TUSC3: variants seen among roughly 807,000 people sequenced by gnomAD.
The protein encoded by TUSC3 is tumor suppressor candidate 3.
In TUSC3, 45 loss-of-function variants were observed where a neutral mutation model predicts 44.8. The ratio of observed to expected loss-of-function variants is 1.00; its 90% CI spans 0.79 to 1.29. TUSC3 has a LOEUF of 1.29. Ranked by LOEUF, TUSC3 falls within the 50% of genes most tolerant of loss-of-function variation. The pLI, the probability that TUSC3 is intolerant of heterozygous loss-of-function variation, is 0.00. For missense variants in TUSC3, 519 were observed against 437.9 expected (o/e 1.19, Z -1.65); for synonymous variants, 212 against 152.9 (o/e 1.39, Z -2.85).
rs147941065 is a variant in TUSC3 at position 15,766,545 on chromosome 8, C to A, written c.*2389C>A. The A allele has an allele frequency of 7.2e-5, 11 of 152,132 alleles. No homozygotes were observed. The highest frequency in any genetic ancestry group is 2.7e-4 in the African/African-American group (11 of 41,490). 9.4% of individuals were successfully genotyped at this position (152,132 alleles called of 1,614,324 possible). A position where few individuals can be genotyped will look rare whatever the true frequency, so the allele number is the denominator to read the frequency against. On this transcript the variant is annotated 3_prime_UTR_variant, in exon 11 of 11. Transcript: ENST00000503731. The stretch of plus-strand genomic sequence containing the variant: ...AAAAATCCCAATTATAAAATTCCAC[C>A]TAAAGGAGTTTCATTTTGTAATAAC...
intron 1 of TUSC3, among the ~76,000 whole-genome samples, chr8:15,427,412 G>C (rs118083605): frequency 2.6e-5 from 4 of 152,068 alleles, no homozygotes; most frequent in Non-Finnish European, 4.4e-5. Context: ...GCTGGCACCA[G>C]GGAAAGGCAG....
At chr8:15,744,935 A>G (rs548372315) in intron 8 of TUSC3, among the ~76,000 whole-genome samples, 1 of 151,922 alleles carries the variant, frequency 6.6e-6, no homozygotes, top group South Asian at 2.1e-4. Context: ...TGATTTTTCA[A>G]CCTACACGCT....
chr8:15,473,314 C>T (rs895844056), intron 1 of TUSC3, among the ~76,000 whole-genome samples: 18 of 152,042 alleles, frequency 1.2e-4, no homozygotes, highest in African/African-American at 4.3e-4. Flanking sequence ...AACACTGCAA[C>T]AAAAAAATTT....
intron 6 of TUSC3, among the ~76,000 whole-genome samples, chr8:15,709,112 A>G (rs116980969): frequency 0.012 from 1,851 of 152,038 alleles, 19 homozygotes; most frequent in Non-Finnish European, 0.021. Context: ...CCTGACTAGA[A>G]GAGAGAGGAT....
chr8:15,528,790 C>T (rs529478529), intron 2 of TUSC3, among the ~76,000 whole-genome samples: 1 of 152,110 alleles, frequency 6.6e-6, no homozygotes, highest in Non-Finnish European at 1.5e-5. Flanking sequence ...ATATCCCTAC[C>T]TTCCCTCTGT....
intron 1 of TUSC3, among the ~76,000 whole-genome samples, chr8:15,588,096 G>T (rs1387426470): frequency 1.9e-4 from 29 of 152,110 alleles, no homozygotes; most frequent in Admixed American, 1.8e-3. Flanking sequence ...TTGATTGCTG[G>T]ATCATTTGGT....
intron 2 of TUSC3, among the ~76,000 whole-genome samples, chr8:15,498,943 A>T (rs369324959): frequency 5.5e-4 from 84 of 152,294 alleles, no homozygotes; most frequent in African/African-American, 1.9e-3. Context: ...TTCTCAACTG[A>T]TACAGGTGCC....
At chr8:15,428,179 C>T (rs1199419195) in intron 1 of TUSC3, among the ~76,000 whole-genome samples, 2 of 133,350 alleles carry the variant, frequency 1.5e-5, no homozygotes, top group African/African-American at 2.8e-5. Context: ...TCCATGTGTT[C>T]TCATTGTTCA....
At chr8:15,744,791 G>A (rs1811335286) in intron 8 of TUSC3, among the ~76,000 whole-genome samples, 1 of 151,932 alleles carries the variant, frequency 6.6e-6, no homozygotes, top group East Asian at 1.9e-4. Flanking sequence ...ATGCCTATGA[G>A]GACATACTAT....
At chr8:15,518,334 T>C (rs1801249849) in intron 2 of TUSC3, among the ~76,000 whole-genome samples, 1 of 152,192 alleles carries the variant, frequency 6.6e-6, no homozygotes, top group South Asian at 2.1e-4. Flanking sequence ...ATTATACATG[T>C]TACAGTTTTA....
chr8:15,546,469 ATAAG>A, intron 1 of TUSC3, among the ~76,000 whole-genome samples: 1 of 151,852 alleles, frequency 6.6e-6, no homozygotes, highest in East Asian at 2.0e-4. Flanking sequence ...TTTTACATAG[ATAAG>A]TAAGACATAT....
At chr8:15,727,591 AAAG>A (rs1200310330) in intron 6 of TUSC3, among the ~76,000 whole-genome samples, 1 of 152,176 alleles carries the variant, frequency 6.6e-6, no homozygotes, top group Non-Finnish European at 1.5e-5. Context: ...ACACACAAAA[AAAG>A]AAGTACAAAA....
chr8:15,597,596 C>A (rs1047796894), intron 1 of TUSC3, among the ~76,000 whole-genome samples: 1 of 151,968 alleles, frequency 6.6e-6, no homozygotes, highest in African/African-American at 2.4e-5. Flanking sequence ...CTAACAACAT[C>A]TAAAATACTA....
intron 9 of TUSC3, among the ~76,000 whole-genome samples, chr8:15,753,409 C>T (rs373066470): frequency 1.6e-4 from 25 of 151,958 alleles, no homozygotes; most frequent in African/African-American, 4.1e-4. Context: ...ATCATTCATA[C>T]GTGAATTATT....
chr8:15,466,002 A>G (rs113504245), intron 1 of TUSC3, among the ~76,000 whole-genome samples: 2 of 152,288 alleles, frequency 1.3e-5, no homozygotes, highest in African/African-American at 4.8e-5. Context: ...TAAAACTCAA[A>G]TTCAACATTT....
At chr8:15,639,051 GTGA>G (rs529451950) in intron 2 of TUSC3, among the ~76,000 whole-genome samples, 5 of 145,048 alleles carry the variant, frequency 3.4e-5, no homozygotes, top group South Asian at 2.1e-4. Context: ...CAGGGCTCCA[GTGA>G]TGATCATGTG....
At chr8:15,445,484 C>A (rs969307480) in intron 1 of TUSC3, among the ~76,000 whole-genome samples, 1 of 152,224 alleles carries the variant, frequency 6.6e-6, no homozygotes, top group Admixed American at 6.5e-5. Context: ...GTGTTTGTGT[C>A]CCTGGGTACT....
At chr8:15,446,641 C>G (rs1475208557) in intron 1 of TUSC3, among the ~76,000 whole-genome samples, 1 of 150,440 alleles carries the variant, frequency 6.6e-6, no homozygotes, top group Non-Finnish European at 1.5e-5. Flanking sequence ...GCAGGAGAAT[C>G]AGGCAGGGAG....
chr8:15,548,382 G>C (rs1024382238), intron 1 of TUSC3, among the ~76,000 whole-genome samples: 1 of 151,816 alleles, frequency 6.6e-6, no homozygotes, highest in African/African-American at 2.4e-5. Context: ...TTTTAGAAGT[G>C]AGTATATGAT....
Sources: allele counts gnomAD v4.1 joint callset (sites outside exome capture counted in the v4.1 genomes callset), GRCh38; gene constraint gnomAD v4.1.1; transcripts MANE v1.5; gene names NCBI Gene and HGNC (gene_info 2026-07-23, HGNC 2026-07-21).